The following JAKMIP2 variants were observed in gnomAD, a reference collection of about 807,000 sequenced individuals.
JAKMIP2 encodes janus kinase and microtubule interacting protein 2, also known as janus kinase and microtubule-interacting protein 2.
A neutral mutation model predicts 115.0 loss-of-function variants in JAKMIP2; 25 were observed. The observed-to-expected ratio is 0.22, with a 90% CI of 0.16 to 0.30. The LOEUF (loss-of-function observed/expected upper bound fraction) is 0.30, where lower values mean the gene tolerates loss of function less well. Among genes scored for constraint, JAKMIP2 ranks in the 10% least tolerant of loss-of-function variants. The pLI is 1.00. For missense variants in JAKMIP2, 642 were observed against 957.6 expected (o/e 0.67, Z 4.35); for synonymous variants, 334 against 343.6 (o/e 0.97, Z 0.31).
At chr5:147,689,751 G>C (rs1561540169) in intron 1 of JAKMIP2, among the ~76,000 whole-genome samples, 1 of 152,156 alleles carries the variant, frequency 6.6e-6, no homozygotes, top group African/African-American at 2.4e-5. Flanking sequence ...CTCCTATTAA[G>C]AGGATAATAG....
chr5:147,762,909 A>G (rs1245560495), intron 1 of JAKMIP2, among the ~76,000 whole-genome samples: 1 of 152,136 alleles, frequency 6.6e-6, no homozygotes, highest in Non-Finnish European at 1.5e-5. Context: ...ATATGAATTG[A>G]CAAGTTCATA....
chr5:147,761,379 C>A (rs1482096546), intron 1 of JAKMIP2, among the ~76,000 whole-genome samples: 17 of 151,956 alleles, frequency 1.1e-4, no homozygotes, highest in Admixed American at 1.1e-3. Context: ...GGGAGCATCA[C>A]CTTTTCCATT....
At chr5:147,742,367 T>C (rs2126998432) in intron 1 of JAKMIP2, among the ~76,000 whole-genome samples, 1 of 152,046 alleles carries the variant, frequency 6.6e-6, no homozygotes, top group African/African-American at 2.4e-5. Flanking sequence ...ATAAGTCAAC[T>C]CGTTGGGCTC....
At chr5:147,592,100 T>C (rs369602233) in intron 21 of JAKMIP2, among the ~76,000 whole-genome samples, 1 of 152,210 alleles carries the variant, frequency 6.6e-6, no homozygotes, top group African/African-American at 2.4e-5. Context: ...GTTGGTTACA[T>C]GGATATATTT....
At chr5:147,690,395 C>G (rs1011281448) in intron 1 of JAKMIP2, among the ~76,000 whole-genome samples, 2 of 151,478 alleles carry the variant, frequency 1.3e-5, no homozygotes, top group Non-Finnish European at 2.9e-5. Flanking sequence ...TATGTCCAGT[C>G]TATAAATTAC....
intron 1 of JAKMIP2, among the ~76,000 whole-genome samples, chr5:147,697,539 C>A (rs1752153007): frequency 6.6e-6 from 1 of 152,148 alleles, no homozygotes; most frequent in African/African-American, 2.4e-5. Flanking sequence ...GGCCTGGAGG[C>A]CTAGAAGGAA....
chr5:147,591,236 G>GTTT lies in JAKMIP2; in HGVS notation c.*468_*470dup, dbSNP rs1755084378. ...CCACCCTTGTTTTTTTTGTTTGTTT[G>GTTT]TTTTGATCTTTTAAAATGATGTTTA... On this transcript the variant is annotated 3_prime_UTR_variant, in exon 22 of 22. Transcript: ENST00000616793. The GTTT allele has an allele frequency of 6.3e-6, 1 of 157,886 alleles. No homozygotes were observed. The highest frequency in any genetic ancestry group is 2.4e-5 in the African/African-American group (1 of 41,478). The allele number at this position is 157,886 out of a possible 1,614,324, so 9.8% of individuals were successfully genotyped here.
intron 19 of JAKMIP2, among the ~76,000 whole-genome samples, chr5:147,615,977 A>G (rs1263410403): frequency 6.6e-6 from 1 of 152,126 alleles, no homozygotes; most frequent in Non-Finnish European, 1.5e-5. Context: ...TTTCAGGGGA[A>G]ATGCCAGTTG....
At chr5:147,619,806 T>C (rs1756763728) in intron 18 of JAKMIP2, among the ~76,000 whole-genome samples, 1 of 104,782 alleles carries the variant, frequency 9.5e-6, no homozygotes, top group South Asian at 3.0e-4. Context: ...GGATCTGGAG[T>C]CAGATCTACA....
intron 5 of JAKMIP2, among the ~76,000 whole-genome samples, chr5:147,646,004 T>C (rs1054627631): frequency 7.2e-5 from 11 of 152,196 alleles, no homozygotes; most frequent in African/African-American, 2.4e-4. Context: ...CTTATTCTTT[T>C]CTTACTAATG....
chr5:147,605,656 C>A (rs1016583407), intron 20 of JAKMIP2, among the ~76,000 whole-genome samples: 1 of 152,010 alleles, frequency 6.6e-6, no homozygotes, highest in African/African-American at 2.4e-5. Context: ...GTTATATATC[C>A]AGTAATGGGT....
intron 14 of JAKMIP2, 84 bp downstream of exon 14, chr5:147,631,329 C>T: frequency 1.3e-6 from 1 of 757,110 alleles, no homozygotes; most frequent in Non-Finnish European, 2.2e-6. Flanking sequence ...GACTGAAAGA[C>T]AAAATAGTCG....
At chr5:147,594,273 C>A (rs1445882718) in intron 21 of JAKMIP2, 2 of 267,686 alleles carry the variant, frequency 7.5e-6, no homozygotes, top group East Asian at 9.2e-5. Context: ...AATTTAGTTT[C>A]CTCATCTGTG....
chr5:147,728,563 T>G (rs1753606160), intron 1 of JAKMIP2, among the ~76,000 whole-genome samples: 1 of 152,214 alleles, frequency 6.6e-6, no homozygotes, highest in South Asian at 2.1e-4. Context: ...GTCTGTGTAT[T>G]TATATTTGTT....
chr5:147,771,960 G>A (rs554792553), intron 1 of JAKMIP2, among the ~76,000 whole-genome samples: 27 of 151,886 alleles, frequency 1.8e-4, no homozygotes, highest in African/African-American at 6.3e-4. Flanking sequence ...AAAATCTCTT[G>A]GTTTATTTTG....
At chr5:147,640,051 C>A (rs1161037552) in intron 9 of JAKMIP2, among the ~76,000 whole-genome samples, 1 of 152,008 alleles carries the variant, frequency 6.6e-6, no homozygotes, top group Non-Finnish European at 1.5e-5. Context: ...ATTTTGGATC[C>A]AAATAAGAAA....
intron 11 of JAKMIP2, 27 bp downstream of exon 11, chr5:147,636,938 C>T: frequency 1.1e-6 from 1 of 872,726 alleles, no homozygotes; most frequent in African/African-American, 1.6e-5. Context: ...TCTGCATCTG[C>T]AGAAGAGCTA....
At chr5:147,711,743 C>G (rs1752790225) in intron 1 of JAKMIP2, among the ~76,000 whole-genome samples, 1 of 152,180 alleles carries the variant, frequency 6.6e-6, no homozygotes, top group African/African-American at 2.4e-5. Context: ...TCTTGGCTCA[C>G]TGCAACCTCC....
Position 147,731,946 on chromosome 5 carries a change from C to G in JAKMIP2, c.-149+50510G>C, listed in dbSNP as rs568402802. ...TCAGACGATGTATCAAGAATTTGAG[C>G]CTTGGAGAAGAAAACCACTCAGCAT... On this transcript the variant is annotated intron_variant, in intron 1 of 21. Coordinates refer to ENST00000616793, the MANE Select transcript of JAKMIP2 (RefSeq NM_001270941.2). 5.3e-5 allele frequency among the ~76,000 whole-genome samples: 8 copies of G among 152,254 alleles called. No individual in the cohort carries two copies. The East Asian group carries it at 1.2e-3, about 22-fold the overall frequency.
Sources: gnomAD v4.1 joint callset for allele counts (sites outside exome capture counted in the v4.1 genomes callset) on GRCh38, gnomAD v4.1.1 for gene constraint, MANE v1.5 for transcripts, NCBI Gene and HGNC (gene_info 2026-07-23, HGNC 2026-07-21) for gene names.